The following PKN2 variants were observed in gnomAD, a reference collection of about 807,000 sequenced individuals.
The protein encoded by PKN2 is protein kinase N2, also known as serine/threonine-protein kinase N2.
In PKN2, 38 loss-of-function variants were observed where a neutral mutation model predicts 119.1. The observed-to-expected ratio is 0.32, with a 90% CI of 0.25 to 0.42. PKN2 has a LOEUF of 0.42. Among genes scored for constraint, PKN2 ranks in the 10% least tolerant of loss-of-function variants. The pLI is 1.00. For synonymous variants in PKN2, 390 were observed against 384.9 expected (o/e 1.01, Z -0.15); for missense variants, 850 against 1,165.1 (o/e 0.73, Z 3.94).
chr1:88,807,293 G>A lies in PKN2; in HGVS notation c.1804-20G>A, dbSNP rs200728815. ...TTTCTGGGTATTTCTATGGATTCAC[G>A]TGTATTTAATATTTTACAGGATTCA... On this transcript the variant is annotated intron_variant, in intron 12 of 21. Transcript: ENST00000370521. 2.6e-4 allele frequency: 370 copies of A among 1,447,564 alleles called. No homozygotes were observed. The highest frequency in any genetic ancestry group is 3.2e-4 in the Non-Finnish European group (337 of 1,064,238). The allele number at this position is 1,447,564 out of a possible 1,614,324, so 89.7% of individuals were successfully genotyped here.
intron 1 of PKN2, among the ~76,000 whole-genome samples, chr1:88,710,179 A>G (rs1334444943): frequency 6.6e-6 from 1 of 152,194 alleles, no homozygotes; most frequent in African/African-American, 2.4e-5. Context: ...TAATATTTGA[A>G]TCATGATATT....
At chr1:88,797,137 C>T (rs1234484457) in intron 8 of PKN2, among the ~76,000 whole-genome samples, 2 of 151,588 alleles carry the variant, frequency 1.3e-5, no homozygotes, top group Non-Finnish European at 2.9e-5. Context: ...AGTTCAAGAC[C>T]AGCCTGGCCA....
chr1:88,739,167 T>C (rs1430701761), intron 1 of PKN2, among the ~76,000 whole-genome samples: 1 of 152,140 alleles, frequency 6.6e-6, no homozygotes, highest in African/African-American at 2.4e-5. Context: ...TGTTGGCGTT[T>C]CAAAGGAATT....
intron 19 of PKN2, among the ~76,000 whole-genome samples, chr1:88,831,583 T>G (rs1672735444): frequency 6.6e-6 from 1 of 152,010 alleles, no homozygotes; most frequent in Non-Finnish European, 1.5e-5. Context: ...GAAATTTTCT[T>G]AGCTGTGAGC....
In PKN2 at chr1:88,813,668, A is replaced by G; in HGVS notation, c.2214A>G (p.Glu738=). The G allele has an allele frequency of 6.2e-7, 1 of 1,609,084 alleles. No individual in the cohort carries two copies. The highest frequency in any genetic ancestry group is 1.3e-5 in the African/African-American group (1 of 74,604). The change falls in exon 16 of 22, where the codon GAA becomes GAG. Residue 738 remains glutamate, a synonymous_variant. Coordinates refer to ENST00000370521, the MANE Select transcript of PKN2 (RefSeq NM_006256.4). The part of the protein sequence containing the change: ...QTKEHVCFVM[E]YAAGGDLMMH... ...AAGAGCATGTTTGCTTTGTAATGGA[A>G]TATGCTGCCGGTGGGGACCTAATGA...
rs563055453 is a variant in PKN2, at chr1:88,746,760, A to G, written c.349+5472A>G. On this transcript the variant is annotated intron_variant, in intron 2 of 21. Transcript: ENST00000370521. The stretch of plus-strand genomic sequence containing the variant: ...ATCCAGCAATTCCTCTTCTGGGTAT[A>G]TATTCAAAGAAATTTAAATCAGCAT... Among the ~76,000 whole-genome samples, 42 of 152,266 alleles carry G rather than the reference A, an allele frequency of 2.8e-4. 1 individual carries two copies. In the South Asian group the frequency reaches 8.5e-3, roughly 31 times the overall value.
rs1257516972 is a variant in PKN2 at position 88,835,037 on chromosome 1, G to GCA, written c.*1593_*1594dup. 6.6e-6 allele frequency: 1 copy of GCA among 152,366 alleles called. No individual in the cohort carries two copies. Among genetic ancestry groups the GCA allele is most frequent in the East Asian group, 1.9e-4 (1 of 5,188 alleles). The allele number at this position is 152,366 out of a possible 1,614,324, so 9.4% of individuals were successfully genotyped here. A position where few individuals can be genotyped will look rare whatever the true frequency, so the allele number is the denominator to read the frequency against. On this transcript the variant is annotated 3_prime_UTR_variant, in exon 22 of 22. Coordinates refer to ENST00000370521, the MANE Select transcript of PKN2 (RefSeq NM_006256.4). ...TAAATCTTATGAGAAACATGAAAAA[G>GCA]CACACTGATTTATGGAGAGTTGAGC... is the stretch of plus-strand genomic sequence containing the variant.
Position 88,807,458 on chromosome 1 carries a change from C to G in PKN2, c.1934+15C>G. ...GAGGACAGAAGGTAAAGAATATATA[C>G]CAAATTTTGCGACTACATGTTTGGT... On this transcript the variant is annotated intron_variant, in intron 13 of 21. Transcript: ENST00000370521. The G allele has an allele frequency of 6.2e-7, 1 of 1,607,022 alleles. No homozygotes were observed. Among genetic ancestry groups the G allele is most frequent in the Non-Finnish European group, 8.5e-7 (1 of 1,177,472 alleles).
At position 88,806,178 on chromosome 1, in the gene PKN2, G is replaced by C. The variant is rs1022504764; in HGVS notation, c.1803+161G>C. Reference sequence around the variant, plus strand: ...GTTTTTGTTTTTGTTTTTTGAGACAGAGTTTCACTCTTGTTACCCAGGCTG... The same window carrying C: ...GTTTTTGTTTTTGTTTTTTGAGACACAGTTTCACTCTTGTTACCCAGGCTG... On this transcript the variant is annotated intron_variant, in intron 12 of 21. Transcript: ENST00000370521. 12 of 663,426 alleles carry C rather than the reference G, an allele frequency of 1.8e-5. No homozygotes were observed. In the African/African-American group the frequency reaches 2.2e-4, roughly 12 times the overall value. 41.1% of individuals were successfully genotyped at this position (663,426 alleles called of 1,614,324 possible).
At position 88,836,238 on chromosome 1, in the gene PKN2, TA is replaced by T. The variant is rs987833166; in HGVS notation, c.*2794del. The T allele has an allele frequency of 2.0e-4, 31 of 152,128 alleles. No homozygotes were observed. The highest frequency in any genetic ancestry group is 7.0e-4 in the African/African-American group (29 of 41,454). The allele number at this position is 152,128 out of a possible 1,614,324, so 9.4% of individuals were successfully genotyped here. ...CTGGCTTCTCAAAAAGGCAAATGAA[TA>T]AAACAGAATACTAGTATTTTATAGT... is the stretch of plus-strand genomic sequence containing the variant. On this transcript the variant is annotated 3_prime_UTR_variant, in exon 22 of 22. Coordinates refer to ENST00000370521, the MANE Select transcript of PKN2 (RefSeq NM_006256.4).
At chr1:88,710,759 A>G (rs1667197319) in intron 1 of PKN2, among the ~76,000 whole-genome samples, 6 of 152,222 alleles carry the variant, frequency 3.9e-5, no homozygotes. Context: ...CAAAGACCTA[A>G]AGACAGAAAT....
chr1:88,700,452 C>G (rs1118228), intron 1 of PKN2, among the ~76,000 whole-genome samples: 1 of 152,000 alleles, frequency 6.6e-6, no homozygotes, highest in Non-Finnish European at 1.5e-5. Context: ...TGACCTACTT[C>G]GTTTGACCAT....
chr1:88,709,120 C>T (rs1667121201), intron 1 of PKN2, among the ~76,000 whole-genome samples: 1 of 151,676 alleles, frequency 6.6e-6, no homozygotes, highest in African/African-American at 2.4e-5. Context: ...GTGGCGTGAT[C>T]TTGGCTCACT....
At chr1:88,687,037 C>A (rs151119471) in intron 1 of PKN2, among the ~76,000 whole-genome samples, 7 of 152,110 alleles carry the variant, frequency 4.6e-5, no homozygotes, top group African/African-American at 1.4e-4. Context: ...CATATTACAA[C>A]CTGGCTTTAA....
chr1:88,746,551 C>T (rs1045015405), intron 2 of PKN2, among the ~76,000 whole-genome samples: 45 of 152,050 alleles, frequency 3.0e-4, no homozygotes, highest in African/African-American at 1.0e-3. Context: ...ATTAAAACCA[C>T]GATGAGATAC....
At position 88,812,128 on chromosome 1, in the gene PKN2, G is replaced by A. The variant is rs183311489; in HGVS notation, c.2103-1429G>A. ...ATAATGTGGGACAAGTTGAAGATTCGTATGTAATAGCTTTTTTGTGTGCTA... is the reference window on the plus strand; with the variant it reads ...ATAATGTGGGACAAGTTGAAGATTCATATGTAATAGCTTTTTTGTGTGCTA... On this transcript the variant is annotated intron_variant, in intron 15 of 21. Transcript: ENST00000370521. 1.0e-3 allele frequency among the ~76,000 whole-genome samples: 153 copies of A among 152,284 alleles called. 3 individuals carry two copies. Among genetic ancestry groups the A allele is most frequent in the Non-Finnish European group, 2.5e-4 (17 of 68,018 alleles).
chr1:88,809,507 G>A (rs1418251067), intron 15 of PKN2, among the ~76,000 whole-genome samples: 2 of 152,182 alleles, frequency 1.3e-5, no homozygotes, highest in Non-Finnish European at 2.9e-5. Context: ...CTGCTACCTT[G>A]TTACGTCTTT....
At chr1:88,793,427 G>T (rs918816283) in intron 8 of PKN2, among the ~76,000 whole-genome samples, 1 of 151,950 alleles carries the variant, frequency 6.6e-6, no homozygotes, top group African/African-American at 2.4e-5. Context: ...AAAAATCCAC[G>T]TATAAGTCGA....
At chr1:88,770,295 A>T in intron 3 of PKN2, 57 bp from the exon 4 acceptor site, 1 of 993,014 alleles carries the variant, frequency 1.0e-6, no homozygotes, top group South Asian at 1.3e-5. Flanking sequence ...AGAAGATAGG[A>T]AAATGTTTCA....
Sources: allele counts gnomAD v4.1 joint callset (sites outside exome capture counted in the v4.1 genomes callset), GRCh38; gene constraint gnomAD v4.1.1; transcripts MANE v1.5; gene names NCBI Gene and HGNC (gene_info 2026-07-23, HGNC 2026-07-21).